RASGRP1: variants seen among roughly 807,000 people sequenced by gnomAD.
The protein encoded by RASGRP1 is RAS guanyl-releasing protein 1.
Under a neutral mutation model 95.1 loss-of-function variants are expected in RASGRP1, and 37 were observed. The ratio of observed to expected loss-of-function variants is 0.39; its 90% CI spans 0.30 to 0.51. The LOEUF is 0.51. Among genes scored for constraint, RASGRP1 ranks in the 20% least tolerant of loss-of-function variants. The pLI is 0.80. For synonymous variants in RASGRP1, 325 were observed against 353.4 expected, an observed-to-expected ratio of 0.92 and a Z score of 0.90; for missense variants, 711 against 965.4, an observed-to-expected ratio of 0.74 and a Z score of 3.49.
chr15:38,534,288 T>C (rs928422678), intron 2 of RASGRP1: 1 of 152,136 alleles, frequency 6.6e-6, no homozygotes, highest in Non-Finnish European at 1.5e-5. Context: ...AAAATGTTAA[T>C]ATAAGGTGAG....
chr15:38,500,858 C>A (rs572370055), intron 13 of RASGRP1, among the ~76,000 whole-genome samples: 6 of 152,274 alleles, frequency 3.9e-5, no homozygotes, highest in African/African-American at 9.6e-5. Flanking sequence ...TTTGTTATAA[C>A]ACTTGAAACA....
intron 3 of RASGRP1, among the ~76,000 whole-genome samples, chr15:38,523,046 GAGTCATT>G (rs1237974228): frequency 6.6e-6 from 1 of 152,114 alleles, no homozygotes; most frequent in Non-Finnish European, 1.5e-5. Flanking sequence ...GACCAGATAA[GAGTCATT>G]TCTGAAGTAG....
At chr15:38,498,980 T>G in intron 14 of RASGRP1, 34 bp from the exon 15 acceptor site, 1 of 1,613,740 alleles carries the variant, frequency 6.2e-7, no homozygotes, top group Non-Finnish European at 8.5e-7. Flanking sequence ...AAGAAGTCTT[T>G]CACTTTTCTC....
intron 2 of RASGRP1, among the ~76,000 whole-genome samples, chr15:38,542,467 G>C (rs1158673807): frequency 6.6e-5 from 10 of 151,796 alleles, no homozygotes; most frequent in Admixed American, 6.6e-4. Context: ...AAGCTCCCAA[G>C]GGATCAGATC....
At chr15:38,494,807 G>C (rs752229707) in intron 15 of RASGRP1, 40 bp from the exon 16 acceptor site, 48 of 1,358,480 alleles carry the variant, frequency 3.5e-5, no homozygotes, top group Non-Finnish European at 6.7e-6. Context: ...TCTAGCTCAG[G>C]AAAGCAGAGA....
intron 2 of RASGRP1, among the ~76,000 whole-genome samples, chr15:38,544,280 GTC>G (rs1395805582): frequency 6.6e-6 from 1 of 152,154 alleles, no homozygotes; most frequent in Non-Finnish European, 1.5e-5. Context: ...GGGTCGTAGA[GTC>G]TCATCATATC....
chr15:38,495,570 C>A (rs544891766), intron 15 of RASGRP1, among the ~76,000 whole-genome samples: 3 of 152,166 alleles, frequency 2.0e-5, no homozygotes, highest in African/African-American at 7.2e-5. Flanking sequence ...CTTTAAAAAA[C>A]AACAAAAAAG....
chr15:38,542,604 G>A (rs1478510596), intron 2 of RASGRP1, among the ~76,000 whole-genome samples: 2 of 151,070 alleles, frequency 1.3e-5, no homozygotes, highest in Non-Finnish European at 2.9e-5. Context: ...TCTTTCGCCT[G>A]TTCTCAGGGC....
rs913097215 is a variant in RASGRP1 at position 38,540,521 on chromosome 15, C to T, written c.221-14117G>A. ...GCAGACCTGAGGGCATGTGGGAAGG[C>T]GATGGTGAGGAAATTAAGACAGTTT... On this transcript the variant is annotated intron_variant, in intron 2 of 16. Coordinates refer to ENST00000310803, the MANE Select transcript of RASGRP1 (RefSeq NM_005739.4). 6.9e-4 allele frequency among the ~76,000 whole-genome samples: 105 copies of T among 152,060 alleles called. 1 individual carries two copies. Among genetic ancestry groups the T allele is most frequent in the Non-Finnish European group, 2.9e-5 (2 of 67,996 alleles).
chr15:38,511,692 G>T lies in RASGRP1; in HGVS notation c.878C>A (p.Thr293Lys), dbSNP rs752460747. 6.2e-7 allele frequency: 1 copy of T among 1,613,630 alleles called. No homozygotes were observed. The highest frequency in any genetic ancestry group is 8.5e-7 in the Non-Finnish European group (1 of 1,179,626). The change falls in exon 8 of 17, where the codon ACA (threonine) becomes AAA (lysine). Residue 293 changes from threonine (T) to lysine (K), a missense_variant. Physicochemically the swap from Thr to Lys is moderately conservative, Grantham distance 78. Around this residue, in one of 3 missense-constraint regions of RASGRP1, gnomAD observed 491 missense variants for 676.6 expected, o/e 0.73. Transcript: ENST00000310803. ...CAGCCCACCTATCACAGCCATCAGT[G>T]TATTGAAGTTCTGTAGTTGGTGGAG... ...QKLHQLQNFN[T>K]LMAVIGGLCH...
rs1240482807 is a variant in RASGRP1 at position 38,490,807 on chromosome 15, C to T, written c.2260-119G>A. On this transcript the variant is annotated intron_variant, in intron 16 of 16. Coordinates refer to ENST00000310803, the MANE Select transcript of RASGRP1 (RefSeq NM_005739.4). ...TTCACTGTGGCTGAGAATTAACAAC[C>T]ATTTTCAAGATAGTTATTTTGCCCT... The T allele has an allele frequency of 1.7e-5, 18 of 1,052,556 alleles. No homozygotes were observed. The South Asian group carries it at 2.9e-4, about 17-fold the overall frequency. 65.2% of individuals were successfully genotyped at this position (1,052,556 alleles called of 1,614,324 possible).
intron 9 of RASGRP1, among the ~76,000 whole-genome samples, chr15:38,507,167 C>T (rs1328579660): frequency 2.0e-5 from 3 of 152,156 alleles, no homozygotes; most frequent in Non-Finnish European, 2.9e-5. Context: ...TGGTAAACTA[C>T]GGAATTGCAG....
chr15:38,493,388 G>A (rs1367419741), intron 16 of RASGRP1, among the ~76,000 whole-genome samples: 4 of 151,640 alleles, frequency 2.6e-5, no homozygotes, highest in Non-Finnish European at 5.9e-5. Flanking sequence ...ACGTTGGCCA[G>A]GCTGCTCTCG....
At chr15:38,532,958 G>A (rs1892505003) in intron 2 of RASGRP1, among the ~76,000 whole-genome samples, 2 of 152,128 alleles carry the variant, frequency 1.3e-5, no homozygotes, top group African/African-American at 4.8e-5. Flanking sequence ...GTGGGGGCCA[G>A]CTTTCCTACA....
chr15:38,539,849 A>G (rs1892798290), intron 2 of RASGRP1, among the ~76,000 whole-genome samples: 1 of 152,040 alleles, frequency 6.6e-6, no homozygotes, highest in South Asian at 2.1e-4. Flanking sequence ...GCGATAGTTT[A>G]CTGAGAATGA....
chr15:38,504,467 A>G (rs1891172985), intron 10 of RASGRP1: 1 of 152,156 alleles, frequency 6.6e-6, no homozygotes, highest in Non-Finnish European at 1.5e-5. Context: ...GTTATAAACT[A>G]AGGTACAATT....
Position 38,512,960 on chromosome 15 carries a change from C to T in RASGRP1, c.676-4G>A, listed in dbSNP as rs1315794439. 7 of 1,515,114 alleles carry T rather than the reference C, an allele frequency of 4.6e-6. No individual in the cohort carries two copies. In the South Asian group the frequency reaches 7.9e-5, roughly 17 times the overall value. 93.9% of individuals were successfully genotyped at this position (1,515,114 alleles called of 1,614,324 possible). On this transcript the variant is annotated splice_polypyrimidine_tract_variant and splice_region_variant and intron_variant, in intron 6 of 16. Transcript: ENST00000310803. ...GGTAATTCTGATAATCAGAGAACTG[C>T]AGGAAAAGAAACAACAACAACAAAA... is the stretch of plus-strand genomic sequence containing the variant.
chr15:38,497,263 A>G (rs1209650693), intron 15 of RASGRP1, among the ~76,000 whole-genome samples: 7 of 152,234 alleles, frequency 4.6e-5, no homozygotes, highest in Middle Eastern at 3.4e-3. Flanking sequence ...ACCGTCCCCA[A>G]CAAGCCCTTC....
At chr15:38,542,860 TACACATATATGTGTATATATATAC>T (rs1484095738) in intron 2 of RASGRP1, among the ~76,000 whole-genome samples, 4 of 122,478 alleles carry the variant, frequency 3.3e-5, no homozygotes, top group African/African-American at 1.4e-4. Context: ...TGTATATATA[TACACATATATGTGTATATATATAC>T]ACATATATGT....
Sources: allele counts gnomAD v4.1 joint callset (sites outside exome capture counted in the v4.1 genomes callset), GRCh38; gene constraint gnomAD v4.1.1; regional missense constraint gnomAD v4.1.1; transcripts MANE v1.5; gene names NCBI Gene and HGNC (gene_info 2026-07-23, HGNC 2026-07-21).